The following RBFOX1 variants were observed in gnomAD, a reference collection of about 807,000 sequenced individuals.
RBFOX1 encodes the protein RNA binding protein fox-1 homolog 1.
A neutral mutation model predicts 57.7 loss-of-function variants in RBFOX1; 8 were observed. The ratio of observed to expected loss-of-function variants is 0.14; its 90% CI spans 0.08 to 0.25. The LOEUF is 0.25. RBFOX1 is among the 10% of genes least tolerant of loss of function. RBFOX1 has a pLI of 1.00. For missense variants in RBFOX1, 611 were observed against 548.5 expected, an observed-to-expected ratio of 1.11 and a Z score of -1.14; for synonymous variants, 326 against 222.4, an observed-to-expected ratio of 1.47 and a Z score of -4.15.
intron 3 of RBFOX1, among the ~76,000 whole-genome samples, chr16:6,947,828 G>C (rs1321763388): frequency 2.6e-5 from 4 of 152,154 alleles, no homozygotes; most frequent in Non-Finnish European, 5.9e-5. Flanking sequence ...TCAAGCTGCA[G>C]TGCAGTCGTG....
chr16:6,845,696 C>G (rs944601847), intron 3 of RBFOX1, among the ~76,000 whole-genome samples: 3 of 152,184 alleles, frequency 2.0e-5, no homozygotes, highest in Admixed American at 2.0e-4. Flanking sequence ...CCAGAACGTT[C>G]CAGGCCTTGC....
At position 5,434,208 on chromosome 16, in the gene RBFOX1, G is replaced by C. The variant is rs138688318; in HGVS notation, c.220-33008G>C. 3.1e-3 allele frequency among the ~76,000 whole-genome samples: 466 copies of C among 152,034 alleles called. 2 individuals carry two copies. Among genetic ancestry groups the C allele is most frequent in the African/African-American group, 0.011 (440 of 41,496 alleles). On this transcript the variant is annotated intron_variant, in intron 1 of 2. Coordinates refer to the RBFOX1 transcript ENST00000585867. ...ACATTCATTTGCTGTGCAAATCAAG[G>C]AGTGGAGAAGGATGAGGCCTTAGCA...
chr16:6,026,014 C>T (rs1174049851), intron 1 of RBFOX1, among the ~76,000 whole-genome samples: 2 of 152,132 alleles, frequency 1.3e-5, no homozygotes, highest in South Asian at 4.2e-4. Context: ...GGCATGTGAT[C>T]GCCTCCCCCA....
intron 4 of RBFOX1, among the ~76,000 whole-genome samples, chr16:7,175,701 G>C (rs1051722250): frequency 6.6e-6 from 1 of 152,164 alleles, no homozygotes; most frequent in Non-Finnish European, 1.5e-5. Flanking sequence ...CAAGCTTCCC[G>C]AGGTTACCTC....
chr16:7,148,685 C>T (rs1174146537), intron 4 of RBFOX1, among the ~76,000 whole-genome samples: 3 of 152,200 alleles, frequency 2.0e-5, no homozygotes, highest in African/African-American at 7.2e-5. Flanking sequence ...CCGCTCTACT[C>T]TCTACAGTTT....
intron 3 of RBFOX1, among the ~76,000 whole-genome samples, chr16:6,860,317 G>C (rs1275360170): frequency 6.6e-6 from 1 of 152,170 alleles, no homozygotes; most frequent in African/African-American, 2.4e-5. Context: ...AGTTCTGATG[G>C]AGTCAAGTGT....
At chr16:6,872,129 C>G (rs762595754) in intron 3 of RBFOX1, among the ~76,000 whole-genome samples, 21 of 152,086 alleles carry the variant, frequency 1.4e-4, no homozygotes, top group Admixed American at 9.2e-4. Context: ...TAATATGATA[C>G]GCTTTCTTTT....
chr16:6,975,174 G>T (rs534983613), intron 3 of RBFOX1, among the ~76,000 whole-genome samples: 1 of 152,120 alleles, frequency 6.6e-6, no homozygotes, highest in African/African-American at 2.4e-5. Flanking sequence ...TTCCTGTGAT[G>T]GTACTGAGGT....
intron 2 of RBFOX1, among the ~76,000 whole-genome samples, chr16:6,444,177 G>T (rs1195775921): frequency 6.6e-6 from 1 of 152,012 alleles, no homozygotes; most frequent in Non-Finnish European, 1.5e-5. Flanking sequence ...TCTTTACTTG[G>T]TTTTGTCAGT....
At chr16:5,901,116 G>A (rs1445541167) in intron 4 of RBFOX1, among the ~76,000 whole-genome samples, 3 of 152,156 alleles carry the variant, frequency 2.0e-5, no homozygotes, top group Non-Finnish European at 2.9e-5. Context: ...GGAGACGCGT[G>A]TTGATTAAGT....
rs76907068 is a variant in RBFOX1 at position 5,496,742 on chromosome 16, A to G, written c.258+29488A>G. Among the ~76,000 whole-genome samples the G allele has an allele frequency of 4.4e-3, 676 of 152,214 alleles. 1 individual carries two copies. Among genetic ancestry groups the G allele is most frequent in the African/African-American group, 0.016 (654 of 41,546 alleles). ...TTCCAGAGAGCTTGGCTTTTGTTAC[A>G]TCTTTATTTGCAATCAGCTGCTTCA... is the stretch of plus-strand genomic sequence containing the variant. On this transcript the variant is annotated intron_variant, in intron 2 of 2. Transcript: ENST00000585867.
chr16:5,275,065 G>T (rs911242659), intron 1 of RBFOX1, among the ~76,000 whole-genome samples: 1 of 152,166 alleles, frequency 6.6e-6, no homozygotes, highest in African/African-American at 2.4e-5. Flanking sequence ...TCTGCTTTTG[G>T]TCACAGAGGC....
At chr16:7,316,523 G>T (rs2096442809) in intron 4 of RBFOX1, among the ~76,000 whole-genome samples, 1 of 152,158 alleles carries the variant, frequency 6.6e-6, no homozygotes, top group African/African-American at 2.4e-5. Flanking sequence ...GATTGGGTTG[G>T]TCATTGAAGG....
intron 1 of RBFOX1, among the ~76,000 whole-genome samples, chr16:6,042,058 A>G (rs996548068): frequency 6.7e-5 from 10 of 150,004 alleles, no homozygotes; most frequent in African/African-American, 2.5e-4. Context: ...CAATACGGGC[A>G]TTTCTGGTCA....
chr16:5,443,096 T>C lies in RBFOX1; in HGVS notation c.220-24120T>C, dbSNP rs74584057. ...AGCATTTGGAGGGAGGGTAGCCTGC[T>C]GACACCTTTATTGTGGACTTCTAGC... On this transcript the variant is annotated intron_variant, in intron 1 of 2. Transcript: ENST00000585867. 3.5e-3 allele frequency among the ~76,000 whole-genome samples: 532 copies of C among 152,278 alleles called. 2 individuals carry two copies. The highest frequency in any genetic ancestry group is 0.012 in the African/African-American group (514 of 41,560).
chr16:5,405,920 A>C (rs1183825900), intron 1 of RBFOX1, among the ~76,000 whole-genome samples: 1 of 152,156 alleles, frequency 6.6e-6, no homozygotes, highest in African/African-American at 2.4e-5. Flanking sequence ...GACAGGAGTC[A>C]GTAGGGAGAA....
At chr16:6,839,712 A>G (rs952942689) in intron 3 of RBFOX1, among the ~76,000 whole-genome samples, 1 of 152,222 alleles carries the variant, frequency 6.6e-6, no homozygotes, top group South Asian at 2.1e-4. Flanking sequence ...TAGAAGGCAC[A>G]CGATTCTTCT....
intron 2 of RBFOX1, among the ~76,000 whole-genome samples, chr16:6,425,974 C>G (rs926000085): frequency 3.9e-5 from 6 of 152,210 alleles, no homozygotes; most frequent in Admixed American, 6.5e-5. Flanking sequence ...CAGCCCCTGG[C>G]TACCACTAGG....
intron 4 of RBFOX1, among the ~76,000 whole-genome samples, chr16:7,203,883 G>C (rs1373269811): frequency 6.6e-6 from 1 of 152,182 alleles, no homozygotes; most frequent in Non-Finnish European, 1.5e-5. Context: ...TCCTCAGAAG[G>C]GGCTGAAGTC....
Sources: allele counts gnomAD v4.1 joint callset (sites outside exome capture counted in the v4.1 genomes callset), GRCh38; gene constraint gnomAD v4.1.1; transcripts MANE v1.5; gene names NCBI Gene and HGNC (gene_info 2026-07-23, HGNC 2026-07-21).